PLCG2: variants seen among roughly 807,000 people sequenced by gnomAD.
PLCG2 encodes 1-phosphatidylinositol 4,5-bisphosphate phosphodiesterase gamma-2.
A neutral mutation model predicts 175.6 loss-of-function variants in PLCG2; 69 were observed. The ratio of observed to expected loss-of-function variants is 0.39; its 90% CI spans 0.32 to 0.48. The LOEUF is 0.48. Ranked by LOEUF, PLCG2 falls within the 20% of genes least tolerant of loss-of-function variation. The pLI is 0.91. For missense variants in PLCG2, 1,798 were observed against 1,650.9 expected (o/e 1.09, Z -1.54); for synonymous variants, 827 against 624.0 (o/e 1.33, Z -4.85).
chr16:81,779,037 C>T (rs1194136313), upstream of PLCG2, among the ~76,000 whole-genome samples: 1 of 152,204 alleles, frequency 6.6e-6, no homozygotes, highest in Non-Finnish European at 1.5e-5. Context: ...GGGGAATTCC[C>T]TTTGCACCTG....
intron 2 of PLCG2, among the ~76,000 whole-genome samples, chr16:81,849,940 A>C (rs1906323357): frequency 6.6e-6 from 1 of 152,226 alleles, no homozygotes; most frequent in South Asian, 2.1e-4. Flanking sequence ...TTGGAAAACA[A>C]ACCTTAATAC....
intron 1 of PLCG2, among the ~76,000 whole-genome samples, chr16:81,755,087 A>G (rs961853317): frequency 2.0e-5 from 3 of 152,170 alleles, no homozygotes; most frequent in Non-Finnish European, 4.4e-5. Flanking sequence ...ATCAGATGAG[A>G]TAAAAGATGA....
intron 2 of PLCG2, among the ~76,000 whole-genome samples, chr16:81,852,679 A>G (rs1906478452): frequency 6.6e-6 from 1 of 152,234 alleles, no homozygotes; most frequent in African/African-American, 2.4e-5. Context: ...CTATTGCTAT[A>G]CAACAAACTA....
intron 3 of PLCG2, among the ~76,000 whole-genome samples, chr16:81,857,135 G>C (rs12930760): frequency 0.31 from 46,818 of 152,104 alleles, 7,849 homozygotes; most frequent in South Asian, 0.38. Flanking sequence ...GGAGACTGAT[G>C]ACTGAACCTT....
At chr16:81,774,331 TA>T (rs879387686), upstream of PLCG2, among the ~76,000 whole-genome samples, 1 of 150,754 alleles carries the variant, frequency 6.6e-6, no homozygotes, top group African/African-American at 2.4e-5. Flanking sequence ...GCCTGGGCAG[TA>T]AAAAAAACAA....
At chr16:81,836,049 A>G (rs148117859) in intron 2 of PLCG2, among the ~76,000 whole-genome samples, 1 of 152,178 alleles carries the variant, frequency 6.6e-6, no homozygotes, top group Non-Finnish European at 1.5e-5. Context: ...ACTTCTATGT[A>G]TGTTTTTGGG....
chr16:81,866,210 C>T (rs1597362527), intron 5 of PLCG2, among the ~76,000 whole-genome samples: 1 of 116,138 alleles, frequency 8.6e-6, no homozygotes, highest in Admixed American at 7.9e-5. Context: ...ACTGGGGCAC[C>T]AGCATGAGAG....
chr16:81,800,147 C>CA (rs1247025643), intron 2 of PLCG2, among the ~76,000 whole-genome samples: 1 of 152,132 alleles, frequency 6.6e-6, no homozygotes, highest in East Asian at 1.9e-4. Flanking sequence ...CTTTGGGTAT[C>CA]ATAGTACCTG....
intron 2 of PLCG2, among the ~76,000 whole-genome samples, chr16:81,834,729 C>T (rs1304665657): frequency 6.6e-6 from 1 of 152,154 alleles, no homozygotes; most frequent in East Asian, 1.9e-4. Context: ...CCCACTGGAC[C>T]AAGGCATGGC....
At position 81,956,784 on chromosome 16, in the gene PLCG2, C is replaced by T. The variant is rs1390892202; in HGVS notation, c.3660C>T (p.His1220=). 9 of 1,614,012 alleles carry T rather than the reference C, an allele frequency of 5.6e-6. No individual in the cohort carries two copies. The East Asian group carries it at 8.9e-5, about 16-fold the overall frequency. The change falls in exon 32 of 33, where the codon CAC becomes CAT. Residue 1220 remains histidine (H), a synonymous_variant. Coordinates refer to ENST00000564138, the MANE Select transcript of PLCG2 (RefSeq NM_002661.5). The part of the protein sequence containing the change: ...LNNQLFLYDT[H]QNLRNANRDA... ...ACCAGCTCTTTCTGTATGACACACA[C>T]CAGAACTTGCGCAATGCCAACCGGG...
At chr16:81,910,384 C>A in intron 17 of PLCG2, 136 bp from the exon 18 acceptor site, 1 of 764,134 alleles carries the variant, frequency 1.3e-6, no homozygotes, top group Non-Finnish European at 2.2e-6. Flanking sequence ...AGCCACTGCG[C>A]CCAGCCTCCT....
At chr16:81,833,391 C>T (rs896822198) in intron 2 of PLCG2, among the ~76,000 whole-genome samples, 1 of 152,032 alleles carries the variant, frequency 6.6e-6, no homozygotes, top group African/African-American at 2.4e-5. Context: ...GGGTCCTGAG[C>T]CAGTATTCTG....
At chr16:81,864,768 A>G (rs1907146926) in intron 5 of PLCG2, among the ~76,000 whole-genome samples, 2 of 152,276 alleles carry the variant, frequency 1.3e-5, no homozygotes, top group East Asian at 1.9e-4. Context: ...CGGGGCTGCC[A>G]TCCTTAATGG....
Position 81,944,024 on chromosome 16 carries a change from C to A in PLCG2, c.3482-2151C>A, listed in dbSNP as rs114050826. ...CAAATTTAGCCAATGAAGGCATCCACGGAATTCAGTAAGATGATGAGCATC... is the reference window on the plus strand; with the variant it reads ...CAAATTTAGCCAATGAAGGCATCCAAGGAATTCAGTAAGATGATGAGCATC... On this transcript the variant is annotated intron_variant, in intron 30 of 32. Transcript: ENST00000564138. 2.8e-3 allele frequency among the ~76,000 whole-genome samples: 424 copies of A among 152,178 alleles called. 2 individuals carry two copies. Among genetic ancestry groups the A allele is most frequent in the African/African-American group, 9.7e-3 (403 of 41,506 alleles).
At chr16:81,803,552 TCTTTCCTTC>T (rs1911842468) in intron 2 of PLCG2, among the ~76,000 whole-genome samples, 1 of 61,318 alleles carries the variant, frequency 1.6e-5, no homozygotes, top group Non-Finnish European at 3.8e-5. Flanking sequence ...TTCTTTCCTT[TCTTTCCTTC>T]CTTTCCTTTC....
chr16:81,880,679 T>G (rs993036226), intron 7 of PLCG2, among the ~76,000 whole-genome samples: 5 of 152,210 alleles, frequency 3.3e-5, no homozygotes, highest in African/African-American at 1.2e-4. Flanking sequence ...TGCTTAAGGG[T>G]GACTGCTTCT....
At position 81,958,209 on chromosome 16, in the gene PLCG2, T is replaced by G; in HGVS notation, c.*211T>G. 1.8e-6 allele frequency: 1 copy of G among 567,098 alleles called. No homozygotes were observed. The allele number at this position is 567,098 out of a possible 1,614,324, so 35.1% of individuals were successfully genotyped here. ...TGGACAACTTTCTTAACTTATATTC[T>G]TTATAGAGGATTCCCCAAAATGTGC... On this transcript the variant is annotated 3_prime_UTR_variant, in exon 33 of 33. Coordinates refer to ENST00000564138, the MANE Select transcript of PLCG2 (RefSeq NM_002661.5).
intron 7 of PLCG2, among the ~76,000 whole-genome samples, chr16:81,878,801 T>C (rs1316620827): frequency 1.3e-5 from 2 of 152,220 alleles, no homozygotes; most frequent in African/African-American, 4.8e-5. Context: ...ACTGTCTTCC[T>C]TATCTTGCCT....
intron 2 of PLCG2, among the ~76,000 whole-genome samples, chr16:81,828,489 C>T (rs993654961): frequency 6.6e-5 from 10 of 152,142 alleles, no homozygotes; most frequent in African/African-American, 1.2e-4. Flanking sequence ...CCACCCATCT[C>T]GGCCTCCCAA....
Sources: allele counts gnomAD v4.1 joint callset (sites outside exome capture counted in the v4.1 genomes callset), GRCh38; gene constraint gnomAD v4.1.1; transcripts MANE v1.5; gene names NCBI Gene and HGNC (gene_info 2026-07-23, HGNC 2026-07-21).